Variants in KRT86 observed in about 807,000 individuals in gnomAD.
KRT86 encodes the protein keratin 86, also known as keratin, type II cuticular Hb6.
In KRT86, 30 loss-of-function variants were observed where a neutral mutation model predicts 41.2. That is an observed-to-expected ratio of 0.73 (90% confidence interval 0.54 to 0.99). The LOEUF is 0.99. KRT86 is among the 50% of genes least tolerant of loss of function. KRT86 has a pLI of 0.00. For missense variants in KRT86, 561 were observed against 571.4 expected, an observed-to-expected ratio of 0.98 and a Z score of 0.19; for synonymous variants, 238 against 238.1, an observed-to-expected ratio of 1.00 and a Z score of 0.00.
At chr12:52,280,352 C>G (rs1039914278) in intron 2 of KRT86, among the ~76,000 whole-genome samples, 4 of 152,166 alleles carry the variant, frequency 2.6e-5, no homozygotes, top group African/African-American at 9.7e-5. Context: ...TCTTTCCCTG[C>G]CACACAGACC....
rs773147228 is a variant in KRT86, at chr12:52,288,376, C to A, written c.-5+12430C>A. On this transcript the variant is annotated intron_variant, in intron 2 of 10. Coordinates refer to ENST00000423955, the MANE Select transcript of KRT86 (RefSeq NM_001320198.2). Reference sequence around the variant, plus strand: ...GAGCCCGCACCTCCTCATACAGCCGCCTCAGGAAGTCGATCTCCTGGATCA... The same window carrying A: ...GAGCCCGCACCTCCTCATACAGCCGACTCAGGAAGTCGATCTCCTGGATCA... 1.1e-5 allele frequency: 17 copies of A among 1,614,146 alleles called. No individual in the cohort carries two copies. The highest frequency in any genetic ancestry group is 1.4e-5 in the Non-Finnish European group (16 of 1,179,996).
In KRT86 at chr12:52,287,639, A is replaced by C. The variant is rs1339154874; in HGVS notation, c.-5+11693A>C. On this transcript the variant is annotated intron_variant, in intron 2 of 10. Coordinates refer to ENST00000423955, the MANE Select transcript of KRT86 (RefSeq NM_001320198.2). ...CACCTCGGCCGTCAGCCTTTGGATC[A>C]TGCGGTTCAGCTCATTGATCTCCTC... is the stretch of plus-strand genomic sequence containing the variant. 2 of 1,613,928 alleles carry C rather than the reference A, an allele frequency of 1.2e-6. No homozygotes were observed. Among genetic ancestry groups the C allele is most frequent in the Admixed American group, 3.3e-5 (2 of 60,022 alleles).
chr12:52,288,004 C>A (rs140829050), intron 2 of KRT86: 20 of 1,614,206 alleles, frequency 1.2e-5, no homozygotes, highest in African/African-American at 9.3e-5. Context: ...TACCAGGACT[C>A]GGCCTCGGCC....
At chr12:52,286,878 A>T (rs1418783974) in intron 2 of KRT86, 2 of 1,601,676 alleles carry the variant, frequency 1.2e-6, no homozygotes, top group Non-Finnish European at 1.7e-6. Flanking sequence ...TGGCTGAAAA[A>T]GCTCCCCAGT....
intron 3 of KRT86, among the ~76,000 whole-genome samples, chr12:52,302,849 G>GC (rs1389027405): frequency 1.1e-4 from 16 of 145,992 alleles, no homozygotes; most frequent in Middle Eastern, 3.3e-3. Flanking sequence ...GGTGGGGGGG[G>GC]GGTCACTCAA....
At chr12:52,295,063 T>A (rs575874052) in intron 2 of KRT86, among the ~76,000 whole-genome samples, 2 of 152,370 alleles carry the variant, frequency 1.3e-5, no homozygotes, top group African/African-American at 4.8e-5. Context: ...AGAGCTGCTA[T>A]GAACATCCTT....
intron 2 of KRT86, chr12:52,287,642 C>T (rs147870020): frequency 2.3e-5 from 37 of 1,613,810 alleles, no homozygotes; most frequent in South Asian, 6.6e-5. Context: ...TTGGATCATG[C>T]GGTTCAGCTC....
intron 2 of KRT86, chr12:52,287,695 G>T: frequency 6.2e-7 from 1 of 1,614,036 alleles, no homozygotes; most frequent in South Asian, 1.1e-5. Flanking sequence ...CCCCGTGCCT[G>T]ATCACCGTGG....
At position 52,286,390 on chromosome 12, in the gene KRT86, CA is replaced by C. The variant is rs933076593; in HGVS notation, c.-5+10445del. The C allele has an allele frequency of 3.2e-6, 5 of 1,555,366 alleles. No homozygotes were observed. In the Admixed American group the frequency reaches 5.8e-5, roughly 18 times the overall value. Reference sequence around the variant, plus strand: ...GCGCACACAGGCCGGTGCTCACCGCCACGTTCCCGTTGCACGGAGCGCTGCA... The same window carrying C: ...GCGCACACAGGCCGGTGCTCACCGCCCGTTCCCGTTGCACGGAGCGCTGCA... On this transcript the variant is annotated intron_variant, in intron 2 of 10. Coordinates refer to ENST00000423955, the MANE Select transcript of KRT86 (RefSeq NM_001320198.2).
rs780884023 is a variant in KRT86, at chr12:52,308,226, C to G, written c.1248-7C>G. ...CGGCACTGACCTCTCGCCTTCTCTC[C>G]CTGCAGGCTGTGCGAGGGCGTCGGC... is the stretch of plus-strand genomic sequence containing the variant. On this transcript the variant is annotated splice_polypyrimidine_tract_variant and splice_region_variant and intron_variant, in intron 9 of 10. Coordinates refer to ENST00000423955, the MANE Select transcript of KRT86 (RefSeq NM_001320198.2). The G allele has an allele frequency of 9.3e-6, 15 of 1,614,100 alleles. No individual in the cohort carries two copies. The highest frequency in any genetic ancestry group is 1.1e-5 in the Non-Finnish European group (13 of 1,180,062).
At chr12:52,288,199 C>T (rs1351689277) in intron 2 of KRT86, 1 of 1,596,068 alleles carries the variant, frequency 6.3e-7, no homozygotes, top group Non-Finnish European at 8.6e-7. Flanking sequence ...CCCCACCCAC[C>T]ATGTCCTGAC....
chr12:52,287,355 A>C lies in KRT86; in HGVS notation c.-5+11409A>C, dbSNP rs756603039. The C allele has an allele frequency of 3.7e-6, 6 of 1,612,834 alleles. No homozygotes were observed. The East Asian group carries it at 1.3e-4, about 36-fold the overall frequency. On this transcript the variant is annotated intron_variant, in intron 2 of 10. Transcript: ENST00000423955. Reference sequence around the variant, plus strand: ...GAACAGAAAGAACAAGGTAGATTAGAGTCCCTGGGTCTCTCTGATGCTCAT... The same window carrying C: ...GAACAGAAAGAACAAGGTAGATTAGCGTCCCTGGGTCTCTCTGATGCTCAT...
At chr12:52,288,306 C>T in intron 2 of KRT86, 2 of 1,611,630 alleles carry the variant, frequency 1.2e-6, no homozygotes, top group Admixed American at 1.7e-5. Flanking sequence ...CACTCCCACC[C>T]CCAACTCTCC....
At chr12:52,287,533 A>G (rs1206949478) in intron 2 of KRT86, 35 of 1,613,672 alleles carry the variant, frequency 2.2e-5, no homozygotes, top group African/African-American at 2.7e-5. Context: ...TAGGGCACAC[A>G]TAGGCTGTGT....
chr12:52,308,541 T>A lies in KRT86; in HGVS notation c.1417T>A (p.Ser473Thr). ...VVGTTNACAP[S>T]ARVGVCGGSC... ...GGGCACTACTAACGCCTGCGCCCCC[T>A]CCGCCCGGGTTGGCGTCTGCGGCGG... Residue 473 changes from serine (S) to threonine (T), a missense_variant, in exon 11 of 11, where the codon TCC becomes ACC. Transcript: ENST00000423955. The A allele has an allele frequency of 6.2e-7, 1 of 1,601,380 alleles. No homozygotes were observed.
rs1232924934 is a variant in KRT86 at position 52,290,545 on chromosome 12, C to CA, written c.-4-11368_-4-11367insA. Among the ~76,000 whole-genome samples, 409 of 18,320 alleles carry CA rather than the reference C, an allele frequency of 0.022. 184 individuals carry two copies. The highest frequency in any genetic ancestry group is 0.032 in the Non-Finnish European group (358 of 11,142). 12.0% of individuals were successfully genotyped at this position (18,320 alleles called of 152,430 possible). A position where few individuals can be genotyped will look rare whatever the true frequency, so the allele number is the denominator to read the frequency against. On this transcript the variant is annotated intron_variant, in intron 2 of 10. Coordinates refer to ENST00000423955, the MANE Select transcript of KRT86 (RefSeq NM_001320198.2). ...TGGGGAGTTGAGTGACCCCCCCCCC[C>CA]CAACCCAAGCAGATGAACAGAAGTG...
At chr12:52,296,940 C>T (rs60791052) in intron 2 of KRT86, among the ~76,000 whole-genome samples, 2,771 of 152,294 alleles carry the variant, frequency 0.018, 88 homozygotes, top group African/African-American at 0.062. Flanking sequence ...GTCTCAGGGA[C>T]GACACTGTCC....
chr12:52,302,161 C>G lies in KRT86; in HGVS notation c.245C>G (p.Ser82Trp). 1 of 1,476,660 alleles carries G rather than the reference C, an allele frequency of 6.8e-7. No individual in the cohort carries two copies. The highest frequency in any genetic ancestry group is 9.1e-7 in the Non-Finnish European group (1 of 1,093,672). The allele number at this position is 1,476,660 out of a possible 1,614,324, so 91.5% of individuals were successfully genotyped here. ...GPSPPCITTV[S>W]VNESLLTPLN... ...AGTCCCCCATGCATCACCACCGTGTCGGTCAACGAGAGCCTCCTCACGCCC... is the reference window on the plus strand; with the variant it reads ...AGTCCCCCATGCATCACCACCGTGTGGGTCAACGAGAGCCTCCTCACGCCC... The change falls in exon 3 of 11, where the codon TCG becomes TGG. Residue 82 changes from serine to tryptophan, a missense_variant. Ser to Trp is a radical substitution (Grantham distance 177). This residue lies in a region of KRT86 where 164 missense variants were observed against 172.5 expected (regional missense o/e 0.95). Transcript: ENST00000423955.
chr12:52,301,400 A>G (rs1363152566), intron 2 of KRT86, among the ~76,000 whole-genome samples: 2 of 152,074 alleles, frequency 1.3e-5, no homozygotes, highest in Non-Finnish European at 2.9e-5. Flanking sequence ...TCTAGTTCGG[A>G]GAAACCACCA....
Sources: gnomAD v4.1 joint callset for allele counts (sites outside exome capture counted in the v4.1 genomes callset) on GRCh38, gnomAD v4.1.1 for gene constraint, gnomAD v4.1.1 regional missense constraint, MANE v1.5 for transcripts, NCBI Gene and HGNC (gene_info 2026-07-23, HGNC 2026-07-21) for gene names.